SLC7A1: variants seen among roughly 807,000 people sequenced by gnomAD.
SLC7A1 encodes the protein solute carrier family 7 member 1, also known as high affinity cationic amino acid transporter 1.
A neutral mutation model predicts 53.9 loss-of-function variants in SLC7A1; 10 were observed. The observed-to-expected ratio is 0.19, with a 90% CI of 0.11 to 0.31. The LOEUF (loss-of-function observed/expected upper bound fraction) is 0.31, where lower values mean the gene tolerates loss of function less well. Among genes scored for constraint, SLC7A1 ranks in the 10% least tolerant of loss-of-function variants. The pLI, the probability that SLC7A1 is intolerant of heterozygous loss-of-function variation, is 1.00. For missense variants in SLC7A1, 525 were observed against 827.2 expected (o/e 0.63, Z 4.48); for synonymous variants, 342 against 338.7 (o/e 1.01, Z -0.11).
intron 1 of SLC7A1, among the ~76,000 whole-genome samples, chr13:29,570,316 A>C (rs1338853128): frequency 6.6e-6 from 1 of 152,216 alleles, no homozygotes. Context: ...GAATAGAAAA[A>C]TTCTTTCCAT....
At chr13:29,566,405 A>C (rs1296508087) in intron 1 of SLC7A1, among the ~76,000 whole-genome samples, 1 of 152,244 alleles carries the variant, frequency 6.6e-6, no homozygotes, top group Non-Finnish European at 1.5e-5. Context: ...GGATAAACGA[A>C]ATGTGGTACA....
chr13:29,521,872 C>T (rs986764799), intron 8 of SLC7A1, among the ~76,000 whole-genome samples: 3 of 152,124 alleles, frequency 2.0e-5, no homozygotes, highest in Non-Finnish European at 2.9e-5. Context: ...GGGGAAGAGG[C>T]GGCACATTTC....
In SLC7A1 at chr13:29,511,518, G is replaced by A. The variant is rs749691136; in HGVS notation, c.*2962C>T. ...TGTGAGCAGGGATGATAAGTAGAGT[G>A]GGGGGTGTGTAGAGGCCTGGTCTCC... On this transcript the variant is annotated 3_prime_UTR_variant, in exon 13 of 13. Coordinates refer to ENST00000380752, the MANE Select transcript of SLC7A1 (RefSeq NM_003045.5). 1 of 152,234 alleles carries A rather than the reference G, an allele frequency of 6.6e-6. No homozygotes were observed. The highest frequency in any genetic ancestry group is 2.4e-5 in the African/African-American group (1 of 41,450). 9.4% of individuals were successfully genotyped at this position (152,234 alleles called of 1,614,324 possible). A position where few individuals can be genotyped will look rare whatever the true frequency, so the allele number is the denominator to read the frequency against.
At chr13:29,530,753 A>T in intron 4 of SLC7A1, 41 bp from the exon 5 acceptor site, 1 of 1,570,414 alleles carries the variant, frequency 6.4e-7, no homozygotes, top group South Asian at 1.1e-5. Flanking sequence ...CTGAGTGTTA[A>T]CCACAAACTG....
At position 29,559,958 on chromosome 13, in the gene SLC7A1, G is replaced by A. The variant is rs560661510; in HGVS notation, c.-114-6098C>T. Among the ~76,000 whole-genome samples, 20 of 152,032 alleles carry A rather than the reference G, an allele frequency of 1.3e-4. No homozygotes were observed. The South Asian group carries it at 3.1e-3, about 24-fold the overall frequency. On this transcript the variant is annotated intron_variant, in intron 1 of 12. Coordinates refer to ENST00000380752, the MANE Select transcript of SLC7A1 (RefSeq NM_003045.5). ...TCTCAATCTCCTGACCTTGTGATCC[G>A]CCCGCCTCGGCCTCCCAAAGTGCTG...
intron 3 of SLC7A1, among the ~76,000 whole-genome samples, chr13:29,534,436 C>A (rs1485799215): frequency 1.3e-5 from 2 of 152,154 alleles, no homozygotes; most frequent in Non-Finnish European, 2.9e-5. Context: ...CTTGTGAGAA[C>A]CATGTGTGGT....
intron 2 of SLC7A1, among the ~76,000 whole-genome samples, chr13:29,549,618 C>G (rs1870084921): frequency 6.6e-6 from 1 of 152,202 alleles, no homozygotes; most frequent in African/African-American, 2.4e-5. Flanking sequence ...CAGTCAGACT[C>G]TACATTTTCA....
chr13:29,564,264 C>G (rs748250807), intron 1 of SLC7A1, among the ~76,000 whole-genome samples: 1 of 152,164 alleles, frequency 6.6e-6, no homozygotes, highest in Non-Finnish European at 1.5e-5. Flanking sequence ...TATAGGCCCA[C>G]TGACAATAAT....
rs955420272 is a variant in SLC7A1 at position 29,595,615 on chromosome 13, C to G, written c.-314G>C. On this transcript the variant is annotated 5_prime_UTR_variant, in exon 1 of 13. Transcript: ENST00000380752. The stretch of plus-strand genomic sequence containing the variant: ...CGCCTGCCAGGTAGTTGACCCGCTG[C>G]TCACACCTGCCTGCGCGGACTGAAT... The G allele has an allele frequency of 4.0e-5, 6 of 151,356 alleles. No individual in the cohort carries two copies. The highest frequency in any genetic ancestry group is 1.5e-4 in the African/African-American group (6 of 41,256). 9.4% of individuals were successfully genotyped at this position (151,356 alleles called of 1,614,324 possible).
intron 5 of SLC7A1, among the ~76,000 whole-genome samples, chr13:29,527,301 G>A (rs1369730773): frequency 6.6e-6 from 1 of 152,168 alleles, no homozygotes; most frequent in East Asian, 1.9e-4. Context: ...GGAACGCATT[G>A]TAAATCTTTT....
At chr13:29,557,024 T>G (rs921537676) in intron 1 of SLC7A1, among the ~76,000 whole-genome samples, 2 of 152,240 alleles carry the variant, frequency 1.3e-5, no homozygotes, top group African/African-American at 4.8e-5. Context: ...TCATCAGGAT[T>G]AATGGGACTG....
intron 1 of SLC7A1, among the ~76,000 whole-genome samples, chr13:29,592,519 G>C (rs1242769705): frequency 6.6e-6 from 1 of 152,210 alleles, no homozygotes; most frequent in Non-Finnish European, 1.5e-5. Flanking sequence ...TTCCCAGTTT[G>C]ATGCCCATCC....
chr13:29,539,383 A>C (rs575965961), intron 2 of SLC7A1, among the ~76,000 whole-genome samples: 1 of 152,194 alleles, frequency 6.6e-6, no homozygotes, highest in Non-Finnish European at 1.5e-5. Context: ...TGCAAAGCCT[A>C]TGTGCACACA....
chr13:29,572,730 T>C (rs1165994651), intron 1 of SLC7A1, among the ~76,000 whole-genome samples: 1 of 152,118 alleles, frequency 6.6e-6, no homozygotes, highest in Non-Finnish European at 1.5e-5. Flanking sequence ...GATCAGAAGC[T>C]CATAAAACAT....
intron 1 of SLC7A1, among the ~76,000 whole-genome samples, chr13:29,575,841 C>T (rs1295950610): frequency 6.6e-6 from 1 of 152,170 alleles, no homozygotes; most frequent in Admixed American, 6.5e-5. Flanking sequence ...CCTGCCTCTG[C>T]CCTGCAACTT....
chr13:29,585,049 C>A (rs1871823281), intron 1 of SLC7A1, among the ~76,000 whole-genome samples: 1 of 152,194 alleles, frequency 6.6e-6, no homozygotes, highest in African/African-American at 2.4e-5. Flanking sequence ...TTTGGGACAC[C>A]ACTGTGTCAG....
intron 2 of SLC7A1, among the ~76,000 whole-genome samples, chr13:29,547,751 G>A (rs961319932): frequency 6.6e-6 from 1 of 152,246 alleles, no homozygotes; most frequent in Non-Finnish European, 1.5e-5. Flanking sequence ...CCCACCTCGA[G>A]TCTGTCTAGG....
intron 2 of SLC7A1, among the ~76,000 whole-genome samples, chr13:29,546,425 G>A (rs1470716906): frequency 1.3e-5 from 2 of 152,198 alleles, no homozygotes; most frequent in Non-Finnish European, 1.5e-5. Flanking sequence ...TTTCCTGGCA[G>A]TTAAATTAGT....
chr13:29,555,544 T>C (rs930536747), intron 1 of SLC7A1, among the ~76,000 whole-genome samples: 2 of 149,246 alleles, frequency 1.3e-5, no homozygotes, highest in African/African-American at 4.9e-5. Flanking sequence ...CCGAGAACCA[T>C]GAAGGTTGAT....
Sources: gnomAD v4.1 joint callset for allele counts (sites outside exome capture counted in the v4.1 genomes callset) on GRCh38, gnomAD v4.1.1 for gene constraint, MANE v1.5 for transcripts, NCBI Gene and HGNC (gene_info 2026-07-23, HGNC 2026-07-21) for gene names.